The following SOX5 variants were observed in gnomAD, a reference collection of about 807,000 sequenced individuals.
SOX5 encodes SRY-box transcription factor 5, also known as transcription factor SOX-5.
In SOX5, 9 loss-of-function variants were observed where a neutral mutation model predicts 92.0. The ratio of observed to expected loss-of-function variants is 0.10; its 90% CI spans 0.06 to 0.17. The LOEUF is 0.17. SOX5 is among the 10% of genes least tolerant of loss of function. The pLI, the probability that SOX5 is intolerant of heterozygous loss-of-function variation, is 1.00. For missense variants in SOX5, 642 were observed against 944.5 expected (o/e 0.68, Z 4.20); for synonymous variants, 344 against 336.3 (o/e 1.02, Z -0.25).
chr12:23,629,089 G>A (rs1487444964), intron 8 of SOX5, among the ~76,000 whole-genome samples: 1 of 151,892 alleles, frequency 6.6e-6, no homozygotes, highest in Non-Finnish European at 1.5e-5. Flanking sequence ...GAAACAGCAC[G>A]CTTCTCTGTT....
intron 9 of SOX5, among the ~76,000 whole-genome samples, chr12:23,586,149 T>G (rs1950700680): frequency 6.6e-6 from 1 of 152,126 alleles, no homozygotes; most frequent in Non-Finnish European, 1.5e-5. Flanking sequence ...CGTGTGTATG[T>G]GTCTGCATTT....
intron 4 of SOX5, among the ~76,000 whole-genome samples, chr12:24,013,960 G>C (rs1277612355): frequency 6.6e-6 from 1 of 152,162 alleles, no homozygotes; most frequent in Non-Finnish European, 1.5e-5. Flanking sequence ...GAATCAACTT[G>C]AGCTGGTATC....
At chr12:23,792,307 G>A (rs2095487715) in intron 3 of SOX5, among the ~76,000 whole-genome samples, 1 of 151,712 alleles carries the variant, frequency 6.6e-6, no homozygotes, top group Non-Finnish European at 1.5e-5. Context: ...TCACACATGG[G>A]GATACACATA....
chr12:24,449,287 TCTTA>T (rs1941937455), intron 1 of SOX5, among the ~76,000 whole-genome samples: 1 of 152,212 alleles, frequency 6.6e-6, no homozygotes, highest in Non-Finnish European at 1.5e-5. Context: ...TCCAAACTCT[TCTTA>T]CTATTTTCCT....
chr12:23,800,210 A>G (rs2095636190), intron 3 of SOX5, among the ~76,000 whole-genome samples: 1 of 152,182 alleles, frequency 6.6e-6, no homozygotes, highest in Non-Finnish European at 1.5e-5. Context: ...AAAACGATAT[A>G]AAATTTACAT....
rs181055054 is a variant in SOX5 at position 23,757,796 on chromosome 12, A to G, written c.482-2072T>C. ...GGCTATTGTCTGCAAAGTCCATGACAAAGCTTTTCCCCTGCAGCTAGACAA... is the reference window on the plus strand; with the variant it reads ...GGCTATTGTCTGCAAAGTCCATGACGAAGCTTTTCCCCTGCAGCTAGACAA... On this transcript the variant is annotated intron_variant, in intron 3 of 14. Transcript: ENST00000451604. 2.2e-4 allele frequency among the ~76,000 whole-genome samples: 34 copies of G among 152,072 alleles called. No homozygotes were observed. The East Asian group carries it at 6.0e-3, about 27-fold the overall frequency.
At chr12:24,062,292 G>A (rs552690312) in intron 4 of SOX5, among the ~76,000 whole-genome samples, 1 of 152,288 alleles carries the variant, frequency 6.6e-6, no homozygotes, top group South Asian at 2.1e-4. Flanking sequence ...AGCTTAAAAT[G>A]ATTTCTACCT....
At chr12:24,431,997 A>G (rs1302165398) in intron 1 of SOX5, among the ~76,000 whole-genome samples, 1 of 152,068 alleles carries the variant, frequency 6.6e-6, no homozygotes, top group Non-Finnish European at 1.5e-5. Flanking sequence ...TCAGAGGAAA[A>G]TTATTCCACT....
intron 4 of SOX5, among the ~76,000 whole-genome samples, chr12:24,185,648 C>G (rs935494069): frequency 2.6e-5 from 4 of 152,100 alleles, no homozygotes; most frequent in Admixed American, 1.3e-4. Context: ...GTGTCCTTCA[C>G]AAGCGCTGAA....
At chr12:24,173,508 T>A (rs1378869361) in intron 4 of SOX5, among the ~76,000 whole-genome samples, 1 of 152,248 alleles carries the variant, frequency 6.6e-6, no homozygotes, top group Non-Finnish European at 1.5e-5. Flanking sequence ...CCTTTTCTGC[T>A]CATATTAGTT....
chr12:23,856,645 T>C (rs1339361075), intron 2 of SOX5, among the ~76,000 whole-genome samples: 1 of 152,160 alleles, frequency 6.6e-6, no homozygotes, highest in Admixed American at 6.5e-5. Flanking sequence ...TGCTGCAAGA[T>C]ATGCCAAAGG....
At chr12:24,419,395 C>A (rs1049708089) in intron 1 of SOX5, among the ~76,000 whole-genome samples, 6 of 152,202 alleles carry the variant, frequency 3.9e-5, no homozygotes, top group African/African-American at 1.4e-4. Flanking sequence ...CTGCCTTGGC[C>A]TCCCAATGTG....
rs183341337 is a variant in SOX5 at position 23,771,173 on chromosome 12, T to G, written c.482-15449A>C. Reference sequence around the variant, plus strand: ...TTTTAAGTTTACTTAACACATACTTTCCCAAAAATGGAGCAAAAAAAAAAA... The same window carrying G: ...TTTTAAGTTTACTTAACACATACTTGCCCAAAAATGGAGCAAAAAAAAAAA... On this transcript the variant is annotated intron_variant, in intron 3 of 14. Coordinates refer to ENST00000451604, the MANE Select transcript of SOX5 (RefSeq NM_006940.6). Among the ~76,000 whole-genome samples, 26 of 127,692 alleles carry G rather than the reference T, an allele frequency of 2.0e-4. No individual in the cohort carries two copies. The East Asian group carries it at 5.6e-3, about 27-fold the overall frequency. The allele number at this position is 127,692 out of a possible 152,430, so 83.8% of individuals were successfully genotyped here. A position where few individuals can be genotyped will look rare whatever the true frequency, so the allele number is the denominator to read the frequency against.
chr12:23,630,386 T>C (rs2078378035), intron 8 of SOX5, among the ~76,000 whole-genome samples: 1 of 151,968 alleles, frequency 6.6e-6, no homozygotes, highest in Non-Finnish European at 1.5e-5. Context: ...CATAGATTCT[T>C]GCGATGGGCC....
At chr12:23,858,886 T>C (rs1246930792) in intron 2 of SOX5, among the ~76,000 whole-genome samples, 1 of 152,202 alleles carries the variant, frequency 6.6e-6, no homozygotes, top group South Asian at 2.1e-4. Flanking sequence ...TTATAATTTC[T>C]TATGCCTGTC....
chr12:24,329,775 C>G (rs1418290071), intron 2 of SOX5, among the ~76,000 whole-genome samples: 2 of 152,156 alleles, frequency 1.3e-5, no homozygotes, highest in Non-Finnish European at 2.9e-5. Flanking sequence ...GTAATCCTAG[C>G]ACTTTGGGAG....
At chr12:23,806,192 C>G (rs1281154196) in intron 3 of SOX5, among the ~76,000 whole-genome samples, 3 of 152,078 alleles carry the variant, frequency 2.0e-5, no homozygotes, top group Admixed American at 2.0e-4. Context: ...TTTTAAATTT[C>G]CATTAGCCTT....
At position 23,961,748 on chromosome 12, in the gene SOX5, T is replaced by G. The variant is rs376710521; in HGVS notation, c.-1-65724A>C. 1.2e-4 allele frequency among the ~76,000 whole-genome samples: 18 copies of G among 152,332 alleles called. 1 individual carries two copies. In the East Asian group the frequency reaches 3.3e-3, roughly 28 times the overall value. Reference sequence around the variant, plus strand: ...CAAGACTATTTCACAGCATTGTATGTAGTACCACTGCACTCTTTACCAGAA... The same window carrying G: ...CAAGACTATTTCACAGCATTGTATGGAGTACCACTGCACTCTTTACCAGAA... On this transcript the variant is annotated intron_variant, in intron 4 of 4. Coordinates refer to the SOX5 transcript ENST00000446891.
At chr12:24,172,649 C>T (rs905942275) in intron 4 of SOX5, among the ~76,000 whole-genome samples, 6 of 152,114 alleles carry the variant, frequency 3.9e-5, no homozygotes, top group African/African-American at 1.4e-4. Context: ...CAGCAACAGG[C>T]AAGGGATTCC....
Sources: gnomAD v4.1 joint callset for allele counts (sites outside exome capture counted in the v4.1 genomes callset) on GRCh38, gnomAD v4.1.1 for gene constraint, MANE v1.5 for transcripts, NCBI Gene and HGNC (gene_info 2026-07-23, HGNC 2026-07-21) for gene names.